Variants in ASPSCR1 observed in about 807,000 individuals in gnomAD.
ASPSCR1 encodes the protein ASPSCR1 tether for SLC2A4, UBX domain containing.
A neutral mutation model predicts 68.9 loss-of-function variants in ASPSCR1; 55 were observed. That is an observed-to-expected ratio of 0.80 (90% CI 0.64 to 1.00). The LOEUF is 1.00. ASPSCR1 is among the 50% of genes least tolerant of loss of function. The pLI is 0.00. For missense variants in ASPSCR1, 765 were observed against 762.2 expected (o/e 1.00, Z -0.04); for synonymous variants, 352 against 332.6 (o/e 1.06, Z -0.63).
chr17:81,979,362 C>G, intron 2 of ASPSCR1, 123 bp downstream of exon 2: 1 of 1,077,302 alleles, frequency 9.3e-7, no homozygotes, highest in African/African-American at 1.5e-5. Context: ...TCCCTCCCAA[C>G]TCTGGAGACC....
At chr17:82,015,026 G>C (rs911048394) in intron 12 of ASPSCR1, 1 of 1,540,966 alleles carries the variant, frequency 6.5e-7, no homozygotes, top group Admixed American at 1.9e-5. Context: ...GGCCCTTCCC[G>C]GGCCCTGCTC....
chr17:82,011,154 C>T (rs1049570529), intron 10 of ASPSCR1, among the ~76,000 whole-genome samples: 1 of 152,136 alleles, frequency 6.6e-6, no homozygotes, highest in Non-Finnish European at 1.5e-5. Flanking sequence ...CAGAGGGGCA[C>T]CCAGAGGAAG....
At position 82,012,248 on chromosome 17, in the gene ASPSCR1, A is replaced by G; in HGVS notation, c.1318A>G (p.Thr440Ala). 6.2e-7 allele frequency: 1 copy of G among 1,613,452 alleles called. No individual in the cohort carries two copies. Among genetic ancestry groups the G allele is most frequent in the Non-Finnish European group, 8.5e-7 (1 of 1,179,902 alleles). The change falls in exon 12 of 16, where the codon ACA becomes GCA. Residue 440 changes from threonine to alanine, a missense_variant. Thr to Ala is a moderately conservative substitution (Grantham distance 58). Transcript: ENST00000306739. ...CTCCTCAGTCATCACCCCTCCAAAAACAGTCCTGGACGACCACACGCAGAC... is the reference window on the plus strand; with the variant it reads ...CTCCTCAGTCATCACCCCTCCAAAAGCAGTCCTGGACGACCACACGCAGAC... ...SFYLFITPPK[T>A]VLDDHTQTLF... is the part of the protein sequence containing the mutation.
At position 81,990,409 on chromosome 17, in the gene ASPSCR1, T is replaced by C. The variant is rs2042122349; in HGVS notation, c.375-4412T>C. 2.0e-5 allele frequency among the ~76,000 whole-genome samples: 3 copies of C among 152,184 alleles called. No homozygotes were observed. The highest frequency in any genetic ancestry group is 4.4e-5 in the Non-Finnish European group (3 of 68,036). On this transcript the variant is annotated intron_variant, in intron 4 of 15. Transcript: ENST00000306739. This position sits in a 1 kb window ranked among gnomAD's most constrained non-coding sequence, Gnocchi z 4.1. The stretch of plus-strand genomic sequence containing the variant: ...CATTTTCCCTATAGTCTGAAGGTTC[T>C]GCCCAGCACAGAGGGGTGTGAACAG...
intron 7 of ASPSCR1, among the ~76,000 whole-genome samples, chr17:82,004,023 A>T (rs1400785952): frequency 6.6e-6 from 1 of 152,232 alleles, no homozygotes; most frequent in Admixed American, 6.5e-5. Context: ...ACAAACCCTC[A>T]GAGACGCTGG....
chr17:81,995,979 G>C lies in ASPSCR1; in HGVS notation c.433-13G>C, dbSNP rs1437614368. 1 of 1,607,824 alleles carries C rather than the reference G, an allele frequency of 6.2e-7. No individual in the cohort carries two copies. Among genetic ancestry groups the C allele is most frequent in the Non-Finnish European group, 8.5e-7 (1 of 1,178,250 alleles). On this transcript the variant is annotated splice_polypyrimidine_tract_variant and intron_variant, in intron 5 of 15. Coordinates refer to ENST00000306739, the MANE Select transcript of ASPSCR1 (RefSeq NM_024083.4). ...GGTGCAAGGCGCACCTGTCCTGGCT[G>C]CTCCTCCTGCAGGTGACGGGTGAAG...
intron 11 of ASPSCR1, among the ~76,000 whole-genome samples, chr17:82,011,912 G>A (rs2042961507): frequency 6.6e-6 from 1 of 152,134 alleles, no homozygotes; most frequent in African/African-American, 2.4e-5. Context: ...CTGCCCGAGG[G>A]CTGTGGGAAG....
chr17:82,011,928 G>A (rs1373255105), intron 11 of ASPSCR1, among the ~76,000 whole-genome samples: 2 of 152,146 alleles, frequency 1.3e-5, no homozygotes, highest in Non-Finnish European at 2.9e-5. Flanking sequence ...GGAAGGGTGG[G>A]TGGACAGGGA....
rs565556537 is a variant in ASPSCR1, at chr17:81,977,791, G to A, written c.102+43G>A. On this transcript the variant is annotated intron_variant, in intron 1 of 15. Coordinates refer to ENST00000306739, the MANE Select transcript of ASPSCR1 (RefSeq NM_024083.4). The surrounding 1 kb of genome is among the most constrained non-coding windows in gnomAD (Gnocchi z 5.0). ...GGGCGGACGGGTAGGCGGGCGGGGG[G>A]CGCTGCGCCGAGGCCCCGCCCATTG... 8.3e-6 allele frequency: 10 copies of A among 1,199,392 alleles called. No homozygotes were observed. The highest frequency in any genetic ancestry group is 4.1e-5 in the South Asian group (1 of 24,554). The allele number at this position is 1,199,392 out of a possible 1,614,324, so 74.3% of individuals were successfully genotyped here.
chr17:81,979,330 G>A lies in ASPSCR1; in HGVS notation c.158+91G>A. The A allele has an allele frequency of 4.1e-6, 6 of 1,471,742 alleles. No homozygotes were observed. The East Asian group carries it at 6.8e-5, about 17-fold the overall frequency. The allele number at this position is 1,471,742 out of a possible 1,614,324, so 91.2% of individuals were successfully genotyped here. On this transcript the variant is annotated intron_variant, in intron 2 of 15. Transcript: ENST00000306739. ...GGCTCTCACTTGGAAAAGCCCCCAG[G>A]TGGTTTTAAACAGTCATATATTCCC...
chr17:81,985,899 C>A (rs1442211598), intron 4 of ASPSCR1, among the ~76,000 whole-genome samples: 1 of 151,970 alleles, frequency 6.6e-6, no homozygotes, highest in Non-Finnish European at 1.5e-5. Context: ...GCCTGGTGAG[C>A]ACTAAGGGGA....
intron 9 of ASPSCR1, 32 bp from the exon 10 acceptor site, chr17:82,010,770 G>T (rs755208805): frequency 6.2e-7 from 1 of 1,605,634 alleles, no homozygotes; most frequent in Non-Finnish European, 8.5e-7. Flanking sequence ...AGCTCCGGCC[G>T]TCCCTCCAAC....
intron 7 of ASPSCR1, 146 bp from the exon 8 acceptor site, chr17:82,008,891 G>C (rs1224242995): frequency 1.7e-6 from 2 of 1,171,146 alleles, no homozygotes; most frequent in Non-Finnish European, 2.3e-6. Context: ...CCAGGACCTG[G>C]CCTTGGCCCT....
chr17:82,012,254 C>T lies in ASPSCR1; in HGVS notation c.1324C>T (p.Leu442=). ...AGTCATCACCCCTCCAAAAACAGTCCTGGACGACCACACGCAGACCCTCTT... is the reference window on the plus strand; with the variant it reads ...AGTCATCACCCCTCCAAAAACAGTCTTGGACGACCACACGCAGACCCTCTT... ...YLFITPPKTV[L]DDHTQTLFQA... is the part of the protein sequence containing the mutation. Residue 442 remains leucine (L), a synonymous_variant, in exon 12 of 16, where the codon CTG becomes TTG. Coordinates refer to ENST00000306739, the MANE Select transcript of ASPSCR1 (RefSeq NM_024083.4). 1 of 1,613,630 alleles carries T rather than the reference C, an allele frequency of 6.2e-7. No individual in the cohort carries two copies. Among genetic ancestry groups the T allele is most frequent in the Non-Finnish European group, 8.5e-7 (1 of 1,179,948 alleles).
chr17:81,983,436 C>T lies in ASPSCR1; in HGVS notation c.159-118C>T, dbSNP rs534556611. 4.3e-5 allele frequency: 35 copies of T among 809,804 alleles called. 1 individual carries two copies. Among genetic ancestry groups the T allele is most frequent in the Admixed American group, 6.3e-5 (3 of 47,512 alleles). The allele number at this position is 809,804 out of a possible 1,614,324, so 50.2% of individuals were successfully genotyped here. A position where few individuals can be genotyped will look rare whatever the true frequency, so the allele number is the denominator to read the frequency against. ...CCGCTGTTGGGGAGCTGCCACAGGA[C>T]GTGGATGGCGGGGCGTGGATGGCGG... On this transcript the variant is annotated intron_variant, in intron 2 of 15. Coordinates refer to ENST00000306739, the MANE Select transcript of ASPSCR1 (RefSeq NM_024083.4). This position sits in a 1 kb window ranked among gnomAD's most constrained non-coding sequence, Gnocchi z 4.4.
intron 7 of ASPSCR1, among the ~76,000 whole-genome samples, chr17:82,000,501 G>C (rs1286747340): frequency 6.6e-6 from 1 of 152,198 alleles, no homozygotes; most frequent in African/African-American, 2.4e-5. Flanking sequence ...CCGCTGCTGG[G>C]TCCCTTTCAG....
intron 12 of ASPSCR1, chr17:82,015,273 C>T: frequency 2.5e-6 from 4 of 1,598,286 alleles, no homozygotes; most frequent in Non-Finnish European, 3.4e-6. Context: ...AGTCTGCCGA[C>T]CCTCCTCTCC....
chr17:81,985,486 C>A (rs769808288), intron 3 of ASPSCR1, 21 bp from the exon 4 acceptor site: 1 of 1,611,356 alleles, frequency 6.2e-7, no homozygotes, highest in Non-Finnish European at 8.5e-7. Flanking sequence ...AAGGAAGTTT[C>A]TCATGTCTTA....
Position 81,999,056 on chromosome 17 carries a change from TG to T in ASPSCR1, c.933+2211del, listed in dbSNP as rs1370866009. On this transcript the variant is annotated intron_variant, in intron 7 of 15. Coordinates refer to ENST00000306739, the MANE Select transcript of ASPSCR1 (RefSeq NM_024083.4). The surrounding 1 kb of genome is among the most constrained non-coding windows in gnomAD (Gnocchi z 4.4). ...CCGCATCAGAGCCCTGCACCTGGGC[TG>T]CTGAAACCTGACTTCCTCAGCTTCC... Among the ~76,000 whole-genome samples, 1 of 152,276 alleles carries T rather than the reference TG, an allele frequency of 6.6e-6. No individual in the cohort carries two copies. Among genetic ancestry groups the T allele is most frequent in the Non-Finnish European group, 1.5e-5 (1 of 68,048 alleles).
Sources: allele counts gnomAD v4.1 joint callset (sites outside exome capture counted in the v4.1 genomes callset), GRCh38; gene constraint gnomAD v4.1.1; non-coding constraint Gnocchi (gnomAD v3.1); transcripts MANE v1.5; gene names NCBI Gene and HGNC (gene_info 2026-07-23, HGNC 2026-07-21).